Variants in CACNA2D3 observed in about 807,000 individuals in gnomAD.
The protein encoded by CACNA2D3 is voltage-dependent calcium channel subunit alpha-2/delta-3.
CACNA2D3 carries 60 observed loss-of-function variants against 160.6 expected under a neutral mutation model. The ratio of observed to expected loss-of-function variants is 0.37; its 90% CI spans 0.30 to 0.46. CACNA2D3 has a LOEUF of 0.46. Ranked by LOEUF, CACNA2D3 falls within the 20% of genes least tolerant of loss-of-function variation. The pLI is 1.00. For missense variants in CACNA2D3, 1,205 were observed against 1,365.0 expected, an observed-to-expected ratio of 0.88 and a Z score of 1.85; for synonymous variants, 558 against 492.9, an observed-to-expected ratio of 1.13 and a Z score of -1.75.
At chr3:54,991,611 T>C (rs1436909176) in intron 31 of CACNA2D3, among the ~76,000 whole-genome samples, 1 of 148,646 alleles carries the variant, frequency 6.7e-6, no homozygotes, top group Non-Finnish European at 1.5e-5. Flanking sequence ...TGTTGTCATG[T>C]ATCTAGGGAA....
At chr3:54,158,430 A>T (rs1379754074) in intron 2 of CACNA2D3, among the ~76,000 whole-genome samples, 1 of 152,142 alleles carries the variant, frequency 6.6e-6, no homozygotes, top group South Asian at 2.1e-4. Flanking sequence ...TAAGAACAGT[A>T]TGAGGTGGGC....
chr3:54,788,467 A>G (rs1430409680), intron 13 of CACNA2D3, among the ~76,000 whole-genome samples: 1 of 152,174 alleles, frequency 6.6e-6, no homozygotes, highest in East Asian at 1.9e-4. Context: ...TCCTCTTAGT[A>G]TCCATTCAAG....
At chr3:54,432,865 A>G (rs989810836) in intron 4 of CACNA2D3, among the ~76,000 whole-genome samples, 1 of 152,020 alleles carries the variant, frequency 6.6e-6, no homozygotes, top group African/African-American at 2.4e-5. Context: ...TCTGAGTTCC[A>G]ATCTCCATGT....
At chr3:54,989,659 G>A (rs1031662882) in intron 31 of CACNA2D3, among the ~76,000 whole-genome samples, 1 of 152,208 alleles carries the variant, frequency 6.6e-6, no homozygotes, top group African/African-American at 2.4e-5. Context: ...TCCAAGGGTT[G>A]CTGTCAGAGC....
chr3:54,425,250 T>G, intron 4 of CACNA2D3, among the ~76,000 whole-genome samples: 1 of 152,302 alleles, frequency 6.6e-6, no homozygotes, highest in East Asian at 1.9e-4. Flanking sequence ...GAGAATAGCT[T>G]GAACCGGGAG....
chr3:54,956,268 C>A (rs1051364079), intron 27 of CACNA2D3, among the ~76,000 whole-genome samples: 1 of 152,230 alleles, frequency 6.6e-6, no homozygotes, highest in Non-Finnish European at 1.5e-5. Context: ...GACCCGTAAG[C>A]GCATGGTCTT....
intron 9 of CACNA2D3, among the ~76,000 whole-genome samples, chr3:54,601,304 A>G (rs543598861): frequency 2.4e-4 from 36 of 152,264 alleles, no homozygotes; most frequent in African/African-American, 8.2e-4. Flanking sequence ...CCTGGTCTCA[A>G]AGGATCCTCC....
chr3:54,809,591 T>A (rs1703243762), intron 13 of CACNA2D3, among the ~76,000 whole-genome samples: 1 of 140,842 alleles, frequency 7.1e-6, no homozygotes, highest in Non-Finnish European at 1.5e-5. Flanking sequence ...GTGCTGGGAT[T>A]ACAGGCGTGA....
chr3:54,788,015 C>T (rs1382989670), intron 13 of CACNA2D3, among the ~76,000 whole-genome samples: 2 of 152,214 alleles, frequency 1.3e-5, no homozygotes, highest in African/African-American at 2.4e-5. Flanking sequence ...TTATTAGCAA[C>T]TTCCTAATCA....
chr3:54,746,003 G>C (rs1445343059), intron 11 of CACNA2D3, among the ~76,000 whole-genome samples: 1 of 152,150 alleles, frequency 6.6e-6, no homozygotes, highest in South Asian at 2.1e-4. Flanking sequence ...GCTGTTCAGG[G>C]TAGCGTTACC....
At chr3:54,334,378 A>C (rs563025313) in intron 3 of CACNA2D3, among the ~76,000 whole-genome samples, 2 of 152,258 alleles carry the variant, frequency 1.3e-5, no homozygotes, top group East Asian at 1.9e-4. Flanking sequence ...TTTTGTATGC[A>C]GACTTTGATG....
At chr3:54,913,832 A>T (rs1467153444) in intron 27 of CACNA2D3, among the ~76,000 whole-genome samples, 1 of 152,090 alleles carries the variant, frequency 6.6e-6, no homozygotes, top group Non-Finnish European at 1.5e-5. Flanking sequence ...TGAGCAAATG[A>T]CCTAAGCTGT....
Position 54,478,660 on chromosome 3 carries a change from G to GTGTATATATATATA in CACNA2D3, c.382-24831_382-24830insGTATATATATATAT. Among the ~76,000 whole-genome samples, 8 of 36,382 alleles carry GTGTATATATATATA rather than the reference G, an allele frequency of 2.2e-4. 2 individuals are homozygous for GTGTATATATATATA. The highest frequency in any genetic ancestry group is 3.6e-4 in the African/African-American group (5 of 13,874). The allele number at this position is 36,382 out of a possible 152,430, so 23.9% of individuals were successfully genotyped here. ...AAAATATATATATAAATATGTGTGT[G>GTGTATATATATATA]TATATATATATATATATATTGCTTG... On this transcript the variant is annotated intron_variant, in intron 4 of 37. Transcript: ENST00000474759.
chr3:54,527,208 A>C (rs1701738930), intron 5 of CACNA2D3, among the ~76,000 whole-genome samples: 2 of 152,330 alleles, frequency 1.3e-5, no homozygotes, highest in South Asian at 4.1e-4. Flanking sequence ...TCTCCAATGA[A>C]TCTATCAGTC....
intron 17 of CACNA2D3, among the ~76,000 whole-genome samples, chr3:54,846,867 C>T (rs1178467938): frequency 1.3e-5 from 2 of 152,126 alleles, no homozygotes; most frequent in African/African-American, 4.8e-5. Context: ...ATAAATTAGA[C>T]CCAAGATCCC....
At chr3:55,004,468 C>CAG (rs145116661) in intron 31 of CACNA2D3, among the ~76,000 whole-genome samples, 4,820 of 152,332 alleles carry the variant, frequency 0.032, 238 homozygotes, top group African/African-American at 0.11. Flanking sequence ...TTGCTCAATG[C>CAG]AGACCATCCT....
chr3:54,893,243 T>C (rs112088684), intron 25 of CACNA2D3, among the ~76,000 whole-genome samples: 19,356 of 152,032 alleles, frequency 0.13, 1,299 homozygotes, highest in Non-Finnish European at 0.14. Context: ...GTCACTGCAC[T>C]CCAGCCTGGG....
At chr3:54,565,715 T>A (rs1237457300) in intron 6 of CACNA2D3, among the ~76,000 whole-genome samples, 2 of 152,180 alleles carry the variant, frequency 1.3e-5, no homozygotes, top group African/African-American at 4.8e-5. Flanking sequence ...AATAACATAA[T>A]GCTGTAGGAA....
chr3:54,863,330 T>C (rs1340827292), intron 17 of CACNA2D3, among the ~76,000 whole-genome samples: 1 of 152,176 alleles, frequency 6.6e-6, no homozygotes, highest in African/African-American at 2.4e-5. Flanking sequence ...TCTGTGTGTG[T>C]TCCTTCCTCT....
Sources: gnomAD v4.1 joint callset for allele counts (sites outside exome capture counted in the v4.1 genomes callset) on GRCh38, gnomAD v4.1.1 for gene constraint, MANE v1.5 for transcripts, NCBI Gene and HGNC (gene_info 2026-07-23, HGNC 2026-07-21) for gene names.